The following SDK1 variants were observed in gnomAD, a reference collection of about 807,000 sequenced individuals.
The protein encoded by SDK1 is sidekick cell adhesion molecule 1, also known as protein sidekick-1.
A neutral mutation model predicts 245.5 loss-of-function variants in SDK1; 157 were observed. The ratio of observed to expected loss-of-function variants is 0.64; its 90% CI spans 0.56 to 0.73. The LOEUF is 0.73. SDK1 is among the 30% of genes least tolerant of loss of function. The pLI, the probability that SDK1 is intolerant of heterozygous loss-of-function variation, is 0.00. For synonymous variants in SDK1, 1,647 were observed against 1,278.5 expected (o/e 1.29, Z -6.15); for missense variants, 3,583 against 3,002.3 (o/e 1.19, Z -4.52).
At chr7:3,781,499 C>T (rs904506246) in intron 4 of SDK1, among the ~76,000 whole-genome samples, 1 of 152,088 alleles carries the variant, frequency 6.6e-6, no homozygotes, top group South Asian at 2.1e-4. Flanking sequence ...GTGCAGATAA[C>T]ACAAGGATTA....
At chr7:3,694,399 T>C (rs936745623) in intron 4 of SDK1, among the ~76,000 whole-genome samples, 1 of 152,140 alleles carries the variant, frequency 6.6e-6, no homozygotes, top group African/African-American at 2.4e-5. Flanking sequence ...CACAGTTAGA[T>C]TGAATCAGAG....
At chr7:3,866,747 C>T (rs1389323607) in intron 5 of SDK1, among the ~76,000 whole-genome samples, 2 of 152,116 alleles carry the variant, frequency 1.3e-5, no homozygotes, top group Non-Finnish European at 2.9e-5. Flanking sequence ...GTGTACTGTT[C>T]CCAGGGCACA....
intron 5 of SDK1, among the ~76,000 whole-genome samples, chr7:3,848,956 C>T (rs1177971713): frequency 1.3e-5 from 2 of 152,218 alleles, no homozygotes; most frequent in Admixed American, 6.5e-5. Flanking sequence ...AGGCGTGAGC[C>T]GCCGCGCCCG....
chr7:3,622,326 C>T (rs1390752478), intron 2 of SDK1, among the ~76,000 whole-genome samples: 8 of 151,948 alleles, frequency 5.3e-5, no homozygotes, highest in South Asian at 2.1e-4. Flanking sequence ...ACTAAAAATA[C>T]AAAAATTAGC....
rs560290391 is a variant in SDK1 at position 3,403,699 on chromosome 7, A to G, written c.298+101815A>G. On this transcript the variant is annotated intron_variant, in intron 1 of 44. Transcript: ENST00000404826. ...GGTACAGTAGTTACTACCTAAGAGA[A>G]TAGTCTATTTCCATGCTGGTTGCTC... Among the ~76,000 whole-genome samples, 6 of 150,972 alleles carry G rather than the reference A, an allele frequency of 4.0e-5. No homozygotes were observed. The East Asian group carries it at 1.2e-3, about 30-fold the overall frequency.
intron 19 of SDK1, among the ~76,000 whole-genome samples, chr7:4,059,084 T>C (rs556577098): frequency 1.3e-4 from 20 of 152,222 alleles, no homozygotes; most frequent in African/African-American, 4.8e-4. Flanking sequence ...CCCTGACATA[T>C]CAATAGTAAC....
chr7:3,867,628 G>A (rs558174923), intron 5 of SDK1, among the ~76,000 whole-genome samples: 17 of 152,244 alleles, frequency 1.1e-4, no homozygotes, highest in African/African-American at 4.1e-4. Context: ...TATCACAACA[G>A]CAGCATGAGA....
At chr7:3,730,008 ATG>A (rs1227013123) in intron 4 of SDK1, among the ~76,000 whole-genome samples, 1 of 152,108 alleles carries the variant, frequency 6.6e-6, no homozygotes, top group Non-Finnish European at 1.5e-5. Context: ...ATATGTATAT[ATG>A]TGTGTGAGAG....
At chr7:3,975,774 G>A (rs1220496991) in intron 13 of SDK1, among the ~76,000 whole-genome samples, 1 of 152,236 alleles carries the variant, frequency 6.6e-6, no homozygotes, top group African/African-American at 2.4e-5. Context: ...CTTCCAGGAT[G>A]ACCCCTTGTT....
At chr7:3,760,837 C>T (rs1387827942) in intron 4 of SDK1, among the ~76,000 whole-genome samples, 2 of 152,182 alleles carry the variant, frequency 1.3e-5, no homozygotes, top group Non-Finnish European at 2.9e-5. Context: ...TAGCAGAAAG[C>T]ATTTAAGATC....
At chr7:3,580,855 C>G (rs1004251387) in intron 1 of SDK1, among the ~76,000 whole-genome samples, 3 of 150,630 alleles carry the variant, frequency 2.0e-5, no homozygotes, top group African/African-American at 4.9e-5. Context: ...GTAGTCCCAG[C>G]TACTCGGGAG....
intron 40 of SDK1, among the ~76,000 whole-genome samples, chr7:4,224,472 G>T (rs1309751355): frequency 3.3e-5 from 5 of 152,130 alleles, no homozygotes; most frequent in Non-Finnish European, 7.3e-5. Flanking sequence ...CACCAAAGGG[G>T]TGGTCCTAAA....
At chr7:3,405,419 T>C (rs1779024639) in intron 1 of SDK1, among the ~76,000 whole-genome samples, 1 of 152,142 alleles carries the variant, frequency 6.6e-6, no homozygotes, top group Admixed American at 6.6e-5. Flanking sequence ...GGCTGTGGGC[T>C]GACCACCGGT....
chr7:4,197,765 A>G (rs746200126), intron 35 of SDK1, among the ~76,000 whole-genome samples: 6 of 152,164 alleles, frequency 3.9e-5, no homozygotes, highest in African/African-American at 9.7e-5. Context: ...ACCAGAGATC[A>G]CTTGCTGTCT....
At chr7:4,036,883 A>G (rs1329009333) in intron 17 of SDK1, among the ~76,000 whole-genome samples, 1 of 152,186 alleles carries the variant, frequency 6.6e-6, no homozygotes, top group Non-Finnish European at 1.5e-5. Context: ...TACACAGTCT[A>G]TGATATTTTT....
chr7:4,184,285 G>A (rs953498082), intron 35 of SDK1, among the ~76,000 whole-genome samples: 4 of 152,204 alleles, frequency 2.6e-5, no homozygotes, highest in South Asian at 2.1e-4. Context: ...ATAGGTAAGC[G>A]TGCAGGTCCA....
chr7:4,151,573 A>G (rs980710583), intron 30 of SDK1, among the ~76,000 whole-genome samples: 2 of 152,024 alleles, frequency 1.3e-5, no homozygotes, highest in South Asian at 4.1e-4. Context: ...TTCCCTGGTG[A>G]TCTAGTCACT....
At chr7:3,991,440 G>A (rs1784313135) in intron 14 of SDK1, among the ~76,000 whole-genome samples, 3 of 152,254 alleles carry the variant, frequency 2.0e-5, no homozygotes, top group South Asian at 4.1e-4. Flanking sequence ...CACCTGCGAC[G>A]TAACTCCTGG....
intron 4 of SDK1, among the ~76,000 whole-genome samples, chr7:3,686,987 T>G (rs1784301805): frequency 6.6e-6 from 1 of 151,250 alleles, no homozygotes; most frequent in South Asian, 2.1e-4. Flanking sequence ...CAACTTGATC[T>G]GCAGCTCAAG....
Sources: gnomAD v4.1 joint callset for allele counts (sites outside exome capture counted in the v4.1 genomes callset) on GRCh38, gnomAD v4.1.1 for gene constraint, MANE v1.5 for transcripts, NCBI Gene and HGNC (gene_info 2026-07-23, HGNC 2026-07-21) for gene names.